SLC45A4: variants seen among roughly 807,000 people sequenced by gnomAD.
The protein encoded by SLC45A4 is solute carrier family 45 member 4, also known as polyamine-transporter SLC45A4.
A neutral mutation model predicts 63.7 loss-of-function variants in SLC45A4; 32 were observed. That is an observed-to-expected ratio of 0.50 (90% CI 0.38 to 0.67). The LOEUF (loss-of-function observed/expected upper bound fraction) is 0.67, where lower values mean the gene tolerates loss of function less well. Ranked by LOEUF, SLC45A4 falls within the 30% of genes least tolerant of loss-of-function variation. The probability of loss-of-function intolerance (pLI) is 0.00; values close to 1 mark genes in which losing one functional copy is unlikely to be tolerated. For synonymous variants in SLC45A4, 535 were observed against 510.0 expected (o/e 1.05, Z -0.66); for missense variants, 1,027 against 1,157.7 (o/e 0.89, Z 1.64).
intron 2 of SLC45A4, chr8:141,228,514 G>A: frequency 4.6e-6 from 6 of 1,316,380 alleles, no homozygotes; most frequent in Non-Finnish European, 5.9e-6. Flanking sequence ...TGTCTTCACT[G>A]GCCAGCTCCT....
chr8:141,284,730 C>T (rs1014353333), intron 1 of SLC45A4, among the ~76,000 whole-genome samples: 30 of 152,144 alleles, frequency 2.0e-4, no homozygotes, highest in African/African-American at 7.0e-4. Flanking sequence ...AACGCCTACC[C>T]CAGTACAAAG....
At position 141,218,617 on chromosome 8, in the gene SLC45A4, G is replaced by A. The variant is rs149318104; in HGVS notation, c.1023C>T (p.Pro341=). 1.7e-3 allele frequency: 2,790 copies of A among 1,613,370 alleles called. 46 individuals carry two copies. The African/African-American group carries it at 0.033, about 19-fold the overall frequency. The change falls in exon 5 of 9, where the codon CCC becomes CCT. Residue 341 remains proline (P), a synonymous_variant. Transcript: ENST00000517878. Reference sequence around the variant, plus strand: ...CCTGGCTGGTGCTGCGGGGGGTGGCGGGGTAGGAGGCGTCGTGGAAGATGG... The same window carrying A: ...CCTGGCTGGTGCTGCGGGGGGTGGCAGGGTAGGAGGCGTCGTGGAAGATGG... The part of the protein sequence containing the change: ...EPSIFHDASY[P]ATPRSTSQEL...
intron 1 of SLC45A4, among the ~76,000 whole-genome samples, chr8:141,302,043 G>T (rs1830761725): frequency 1.3e-5 from 2 of 152,056 alleles, no homozygotes; most frequent in African/African-American, 4.8e-5. Context: ...AAACTGCCTT[G>T]TCAAGACTGT....
intron 1 of SLC45A4, among the ~76,000 whole-genome samples, chr8:141,288,501 G>A (rs1364227348): frequency 6.6e-6 from 1 of 152,220 alleles, no homozygotes; most frequent in Non-Finnish European, 1.5e-5. Flanking sequence ...TGGTTGGACC[G>A]CTCATGAGAA....
At position 141,288,109 on chromosome 8, in the gene SLC45A4, T is replaced by C. The variant is rs191826544; in HGVS notation, c.-401+19987A>G. ...GGAGGATCGCTTGAGTCCAGGAGTT[T>C]TAGGCTGCAATGAACCATGATCCTG... On this transcript the variant is annotated intron_variant, in intron 1 of 8. Coordinates refer to ENST00000517878, the MANE Select transcript of SLC45A4 (RefSeq NM_001286646.2). Among the ~76,000 whole-genome samples, 398 of 152,194 alleles carry C rather than the reference T, an allele frequency of 2.6e-3. 3 individuals are homozygous for C. Among genetic ancestry groups the C allele is most frequent in the African/African-American group, 9.2e-3 (384 of 41,522 alleles).
In SLC45A4 at chr8:141,218,267, A is replaced by G; in HGVS notation, c.1373T>C (p.Leu458Pro). Residue 458 changes from leucine to proline, a missense_variant, in exon 5 of 9, where the codon CTG (leucine) becomes CCG (proline). Leu to Pro is a moderately conservative substitution (Grantham distance 98). Coordinates refer to ENST00000517878, the MANE Select transcript of SLC45A4 (RefSeq NM_001286646.2). Reference sequence around the variant, plus strand: ...CCGCTGCCGCTTCTGCATGTCGTACAGGTCGCTCATGCTGCGCGACGGCTT... The same window carrying G: ...CCGCTGCCGCTTCTGCATGTCGTACGGGTCGCTCATGCTGCGCGACGGCTT... ...LIKPSRSMSD[L>P]YDMQKRQRQH... The G allele has an allele frequency of 6.2e-7, 1 of 1,603,510 alleles. No homozygotes were observed. The highest frequency in any genetic ancestry group is 8.5e-7 in the Non-Finnish European group (1 of 1,179,786).
In SLC45A4 at chr8:141,211,638, C is replaced by T; in HGVS notation, c.2361G>A (p.Leu787=). The T allele has an allele frequency of 1.9e-6, 3 of 1,611,100 alleles. No individual in the cohort carries two copies. Among genetic ancestry groups the T allele is most frequent in the South Asian group, 1.1e-5 (1 of 90,746 alleles). The change falls in exon 9 of 9, where the codon TTG becomes TTA. Residue 787 remains leucine (L), a synonymous_variant. Transcript: ENST00000517878. The part of the protein sequence containing the change: ...ISSHWLVPQL[L]ESIFLYDYFR... ...AATAATCATAAAGAAAAATACTCTC[C>T]AACAGCTGCGGCACCAGCCAATGTG...
chr8:141,270,862 C>T (rs1277818981), intron 1 of SLC45A4, among the ~76,000 whole-genome samples: 1 of 152,152 alleles, frequency 6.6e-6, no homozygotes, highest in African/African-American at 2.4e-5. Flanking sequence ...TCGACCAGCT[C>T]GTACCTCCCT....
intron 2 of SLC45A4, chr8:141,228,446 T>G (rs1827160780): frequency 4.4e-5 from 61 of 1,399,472 alleles, no homozygotes; most frequent in Non-Finnish European, 5.5e-5. Flanking sequence ...GCTGCTGTCC[T>G]GTCTCAGGGC....
Position 141,219,630 on chromosome 8 carries a change from C to T in SLC45A4, c.610+20G>A. 1 of 1,589,754 alleles carries T rather than the reference C, an allele frequency of 6.3e-7. No individual in the cohort carries two copies. The highest frequency in any genetic ancestry group is 8.6e-7 in the Non-Finnish European group (1 of 1,166,024). On this transcript the variant is annotated intron_variant, in intron 4 of 8. Coordinates refer to ENST00000517878, the MANE Select transcript of SLC45A4 (RefSeq NM_001286646.2). ...GGCACGTTGGAACCCGGCCACCCAG[C>T]CTTGGTGCGGCAGCGTTACCGGCAG...
intron 1 of SLC45A4, among the ~76,000 whole-genome samples, chr8:141,280,764 A>G (rs1375002344): frequency 6.6e-6 from 1 of 152,222 alleles, no homozygotes; most frequent in Non-Finnish European, 1.5e-5. Context: ...GTCAGGACAG[A>G]GCCTGACTCG....
rs1828669669 is a variant in SLC45A4 at position 141,254,387 on chromosome 8, CACA to C, written c.-161_-159del. 6 of 789,424 alleles carry C rather than the reference CACA, an allele frequency of 7.6e-6. No individual in the cohort carries two copies. The highest frequency in any genetic ancestry group is 1.7e-5 in the African/African-American group (1 of 57,410). The allele number at this position is 789,424 out of a possible 1,614,324, so 48.9% of individuals were successfully genotyped here. Reference sequence around the variant, plus strand: ...TTCCTCTTTGCACAAGTGGCTATCTCACAACTTCTCACAACGGTATGAGACATG... The same window carrying C: ...TTCCTCTTTGCACAAGTGGCTATCTCACTTCTCACAACGGTATGAGACATG... On this transcript the variant is annotated 5_prime_UTR_variant, in exon 2 of 9. Coordinates refer to ENST00000517878, the MANE Select transcript of SLC45A4 (RefSeq NM_001286646.2). This position sits in a 1 kb window ranked among gnomAD's most constrained non-coding sequence, Gnocchi z 4.5.
intron 2 of SLC45A4, 142 bp downstream of exon 2, chr8:141,253,847 G>C: frequency 7.5e-7 from 1 of 1,338,738 alleles, no homozygotes; most frequent in Non-Finnish European, 9.9e-7. Flanking sequence ...ATCAGGGCAG[G>C]CTGAAGGGAG....
Position 141,210,193 on chromosome 8 carries a change from C to T in SLC45A4, c.*1379G>A, listed in dbSNP as rs181578398. The T allele has an allele frequency of 6.6e-6, 1 of 152,396 alleles. No homozygotes were observed. Among genetic ancestry groups the T allele is most frequent in the Non-Finnish European group, 1.5e-5 (1 of 68,052 alleles). The allele number at this position is 152,396 out of a possible 1,614,324, so 9.4% of individuals were successfully genotyped here. A position where few individuals can be genotyped will look rare whatever the true frequency, so the allele number is the denominator to read the frequency against. ...GAGGGGATCTACAGTCTTAAAGCCG[C>T]TAGAGGATCAAGTTGCATAGAGTGA... On this transcript the variant is annotated 3_prime_UTR_variant, in exon 9 of 9. Coordinates refer to ENST00000517878, the MANE Select transcript of SLC45A4 (RefSeq NM_001286646.2).
chr8:141,211,887 G>GAAT, intron 8 of SLC45A4, 190 bp from the exon 9 acceptor site: 1 of 1,255,930 alleles, frequency 8.0e-7, no homozygotes, highest in Non-Finnish European at 1.0e-6. Context: ...AAAACATGCA[G>GAAT]AATAATACAC....
chr8:141,272,922 T>C (rs1589839189), intron 1 of SLC45A4, among the ~76,000 whole-genome samples: 1 of 152,316 alleles, frequency 6.6e-6, no homozygotes, highest in East Asian at 1.9e-4. Flanking sequence ...ATTACTCCAC[T>C]TTCTAAAATT....
chr8:141,276,024 C>CA (rs1314990558), intron 1 of SLC45A4, among the ~76,000 whole-genome samples: 1 of 151,906 alleles, frequency 6.6e-6, no homozygotes, highest in Non-Finnish European at 1.5e-5. Context: ...GCAATCCTCC[C>CA]ACCTCAGTCT....
At chr8:141,241,652 T>C (rs1827926562) in intron 2 of SLC45A4, among the ~76,000 whole-genome samples, 1 of 151,998 alleles carries the variant, frequency 6.6e-6, no homozygotes, top group African/African-American at 2.4e-5. Context: ...CAGGACCTGC[T>C]CAGGGGATGG....
At chr8:141,269,554 CTG>C (rs1829429805) in intron 1 of SLC45A4, among the ~76,000 whole-genome samples, 1 of 143,804 alleles carries the variant, frequency 7.0e-6, no homozygotes, top group Non-Finnish European at 1.5e-5. Flanking sequence ...GTGGGTGTGT[CTG>C]TGTGTCAATG....
Sources: gnomAD v4.1 joint callset for allele counts (sites outside exome capture counted in the v4.1 genomes callset) on GRCh38, gnomAD v4.1.1 for gene constraint, Gnocchi (gnomAD v3.1) non-coding constraint, MANE v1.5 for transcripts, NCBI Gene and HGNC (gene_info 2026-07-23, HGNC 2026-07-21) for gene names.